The following DENND5B variants were observed in gnomAD, a reference collection of about 807,000 sequenced individuals.
DENND5B encodes the protein DENN domain-containing protein 5B.
In DENND5B, 34 loss-of-function variants were observed where a neutral mutation model predicts 140.6. That is an observed-to-expected ratio of 0.24 (90% CI 0.18 to 0.32). DENND5B has a LOEUF of 0.32. Ranked by LOEUF, DENND5B falls within the 10% of genes least tolerant of loss-of-function variation. The pLI is 1.00. For missense variants in DENND5B, 1,142 were observed against 1,560.2 expected (o/e 0.73, Z 4.52); for synonymous variants, 551 against 562.1 (o/e 0.98, Z 0.28).
intron 7 of DENND5B, among the ~76,000 whole-genome samples, chr12:31,436,040 C>T (rs1333688458): frequency 6.6e-6 from 1 of 151,996 alleles, no homozygotes; most frequent in East Asian, 1.9e-4. Context: ...TTAATGCGAT[C>T]TGCCTGTCTC....
intron 1 of DENND5B, among the ~76,000 whole-genome samples, chr12:31,499,278 C>T (rs984037662): frequency 2.0e-5 from 3 of 152,242 alleles, no homozygotes; most frequent in Admixed American, 1.3e-4. Flanking sequence ...TAAATTTGTA[C>T]GACTGCTACA....
At chr12:31,527,781 A>G (rs1057378128) in intron 1 of DENND5B, among the ~76,000 whole-genome samples, 11 of 143,700 alleles carry the variant, frequency 7.7e-5, no homozygotes, top group South Asian at 2.1e-4. Context: ...CCATTTGGGG[A>G]AAAAAAAAAA....
intron 4 of DENND5B, among the ~76,000 whole-genome samples, chr12:31,459,448 C>T (rs1944921002): frequency 1.3e-5 from 2 of 152,070 alleles, no homozygotes; most frequent in Admixed American, 1.3e-4. Flanking sequence ...TGCCACCATG[C>T]CTGGCTAATT....
chr12:31,409,636 G>A (rs906011119), intron 13 of DENND5B, among the ~76,000 whole-genome samples: 2 of 151,996 alleles, frequency 1.3e-5, no homozygotes, highest in African/African-American at 4.8e-5. Flanking sequence ...GTGCCACCAC[G>A]CCAGGCTAAT....
intron 1 of DENND5B, among the ~76,000 whole-genome samples, chr12:31,513,956 G>T (rs1337902095): frequency 1.3e-5 from 2 of 151,746 alleles, no homozygotes; most frequent in East Asian, 3.9e-4. Context: ...TCCTGCCTCA[G>T]TCTCCCAAGT....
Position 31,433,255 on chromosome 12 carries a change from C to T in DENND5B, c.2013-7G>A. On this transcript the variant is annotated splice_region_variant and splice_polypyrimidine_tract_variant and intron_variant, in intron 7 of 20. Transcript: ENST00000389082. The stretch of plus-strand genomic sequence containing the variant: ...ACTCCGACTTACCCAGCGACTGAAA[C>T]AATCAAATTATTTAAAAATGTGTTC... 3 of 1,605,290 alleles carry T rather than the reference C, an allele frequency of 1.9e-6. No individual in the cohort carries two copies. Among genetic ancestry groups the T allele is most frequent in the Non-Finnish European group, 1.7e-6 (2 of 1,176,854 alleles).
chr12:31,475,559 G>A (rs1201177583), intron 3 of DENND5B, among the ~76,000 whole-genome samples: 1 of 152,082 alleles, frequency 6.6e-6, no homozygotes, highest in East Asian at 1.9e-4. Flanking sequence ...ACCAGCCTGG[G>A]CAGTGTAGTG....
intron 19 of DENND5B, among the ~76,000 whole-genome samples, chr12:31,391,010 T>C (rs1941111788): frequency 6.6e-6 from 1 of 152,218 alleles, no homozygotes; most frequent in South Asian, 2.1e-4. Flanking sequence ...AGTGAGTCTC[T>C]GTCTCAAACA....
At chr12:31,531,986 T>A (rs1150956) in intron 1 of DENND5B, among the ~76,000 whole-genome samples, 11,861 of 152,140 alleles carry the variant, frequency 0.078, 1,054 homozygotes, top group African/African-American at 0.22. Flanking sequence ...ACTGGAAATA[T>A]AATAGAAAAT....
intron 1 of DENND5B, among the ~76,000 whole-genome samples, chr12:31,551,244 G>A (rs1435091566): frequency 6.6e-6 from 1 of 152,144 alleles, no homozygotes; most frequent in Admixed American, 6.5e-5. Flanking sequence ...TTTGTAAAAG[G>A]TGTAAGGAAG....
Position 31,426,388 on chromosome 12 carries a change from G to T in DENND5B, c.2143C>A (p.Leu715Met). The T allele has an allele frequency of 3.1e-6, 5 of 1,612,422 alleles. No homozygotes were observed. Among genetic ancestry groups the T allele is most frequent in the Non-Finnish European group, 4.2e-6 (5 of 1,179,188 alleles). Residue 715 changes from leucine (L) to methionine (M), a missense_variant, in exon 9 of 21, where the codon CTG (leucine) becomes ATG (methionine). By Grantham distance (15) the Leu-to-Met change is conservative. Around this residue, in one of 5 missense-constraint regions of DENND5B, gnomAD observed 708 missense variants for 905.5 expected, o/e 0.78. Coordinates refer to ENST00000389082, the MANE Select transcript of DENND5B (RefSeq NM_144973.4). ...MQEARSLGKN[L>M]RQPKLSDLSP... is the part of the protein sequence containing the mutation. ...AGGTCTGACAGTTTGGGTTGCCTCAGGTTTTTTCCTAAACTTCGTGCCTCT... is the reference window on the plus strand; with the variant it reads ...AGGTCTGACAGTTTGGGTTGCCTCATGTTTTTTCCTAAACTTCGTGCCTCT...
At chr12:31,474,538 G>A (rs1302525392) in intron 3 of DENND5B, among the ~76,000 whole-genome samples, 1 of 152,164 alleles carries the variant, frequency 6.6e-6, no homozygotes, top group East Asian at 1.9e-4. Flanking sequence ...AGATTGAATT[G>A]GTTTAAATGG....
chr12:31,474,492 G>GCAAAGTGAC (rs1565615944), intron 3 of DENND5B, among the ~76,000 whole-genome samples: 1 of 152,140 alleles, frequency 6.6e-6, no homozygotes, highest in Non-Finnish European at 1.5e-5. Context: ...AGTTACCACT[G>GCAAAGTGAC]CAAAGTGACA....
chr12:31,459,853 C>T (rs2138237717), intron 4 of DENND5B, among the ~76,000 whole-genome samples: 1 of 152,136 alleles, frequency 6.6e-6, no homozygotes, highest in Admixed American at 6.5e-5. Flanking sequence ...ATGCTAAAAC[C>T]TGGGCTGTAT....
chr12:31,419,080 A>T (rs1277054169), intron 11 of DENND5B, among the ~76,000 whole-genome samples: 1 of 152,184 alleles, frequency 6.6e-6, no homozygotes, highest in Non-Finnish European at 1.5e-5. Flanking sequence ...AGGAAATGGA[A>T]CCACTTCTTT....
At chr12:31,490,952 T>C (rs1013017553) in intron 2 of DENND5B, among the ~76,000 whole-genome samples, 15 of 152,188 alleles carry the variant, frequency 9.9e-5, no homozygotes, top group Admixed American at 3.3e-4. Context: ...TGATGTTTCA[T>C]TAGGACAGAC....
chr12:31,447,848 A>T, intron 5 of DENND5B, 79 bp from the exon 6 acceptor site: 1 of 950,720 alleles, frequency 1.1e-6, no homozygotes, highest in African/African-American at 1.7e-5. Flanking sequence ...AATTATGTTA[A>T]CTCAGGACAT....
At chr12:31,425,866 T>C (rs1054628593) in intron 9 of DENND5B, among the ~76,000 whole-genome samples, 2 of 152,222 alleles carry the variant, frequency 1.3e-5, no homozygotes, top group African/African-American at 4.8e-5. Context: ...CGTTGTGCAA[T>C]ATACACAAAC....
At chr12:31,400,597 G>C (rs1941737821) in intron 15 of DENND5B, among the ~76,000 whole-genome samples, 2 of 152,082 alleles carry the variant, frequency 1.3e-5, no homozygotes, top group Admixed American at 6.6e-5. Context: ...GTACCTAGTA[G>C]ATGTGTATAT....
Sources: allele counts gnomAD v4.1 joint callset (sites outside exome capture counted in the v4.1 genomes callset), GRCh38; gene constraint gnomAD v4.1.1; regional missense constraint gnomAD v4.1.1; transcripts MANE v1.5; gene names NCBI Gene and HGNC (gene_info 2026-07-23, HGNC 2026-07-21).